CDH16: variants seen among roughly 807,000 people sequenced by gnomAD.
The protein encoded by CDH16 is cadherin 16.
Under a neutral mutation model 87.6 loss-of-function variants are expected in CDH16, and 79 were observed. That is an observed-to-expected ratio of 0.90 (90% CI 0.75 to 1.09). CDH16 has a LOEUF of 1.09. Among genes scored for constraint, CDH16 ranks in the 50% least tolerant of loss-of-function variants. The probability of loss-of-function intolerance (pLI) is 0.00; values close to 1 mark genes in which losing one functional copy is unlikely to be tolerated. For synonymous variants in CDH16, 457 were observed against 439.5 expected (o/e 1.04, Z -0.50); for missense variants, 1,124 against 1,071.7 (o/e 1.05, Z -0.68).
chr16:66,917,918 C>A (rs1376793606), intron 2 of CDH16, 103 bp downstream of exon 2: 3 of 1,135,482 alleles, frequency 2.6e-6, no homozygotes, highest in African/African-American at 3.1e-5. Flanking sequence ...CCATGCCTTG[C>A]ACCGTTCTCA....
Position 66,913,496 on chromosome 16 carries a change from C to G in CDH16, c.898G>C (p.Ala300Pro), listed in dbSNP as rs1962528624. The G allele has an allele frequency of 3.1e-6, 5 of 1,614,168 alleles. No homozygotes were observed. Among genetic ancestry groups the G allele is most frequent in the Non-Finnish European group, 4.2e-6 (5 of 1,180,008 alleles). Residue 300 changes from alanine to proline, a missense_variant, in exon 8 of 18, where the codon GCT becomes CCT. Physicochemically the swap from Ala to Pro is conservative, Grantham distance 27. Transcript: ENST00000299752. ...VTRELDREAQ[A>P]EYLLQVRAQN... The stretch of plus-strand genomic sequence containing the variant: ...TGGCTCCCCCTTCATATCACCTCAG[C>G]CTGGGCTTCTCTGTCCAGCTCTCTG...
At chr16:66,917,777 C>A in intron 2 of CDH16, 52 bp from the exon 3 acceptor site, 1 of 1,476,922 alleles carries the variant, frequency 6.8e-7, no homozygotes, top group African/African-American at 1.4e-5. Flanking sequence ...TGCGTGGGCA[C>A]TGAGACCCAA....
At chr16:66,915,143 C>T in intron 6 of CDH16, 77 bp downstream of exon 6, 1 of 1,398,792 alleles carries the variant, frequency 7.1e-7, no homozygotes, top group Non-Finnish European at 9.7e-7. Context: ...CCCACCCATG[C>T]TTGTCTTATG....
In CDH16 at chr16:66,912,108, C is replaced by A. The variant is rs1277996306; in HGVS notation, c.1581G>T (p.Glu527Asp). Residue 527 changes from glutamate to aspartate, a missense_variant, in exon 13 of 18, where the codon GAG becomes GAT. Transcript: ENST00000299752. The stretch of plus-strand genomic sequence containing the variant: ...CCACACTCTGCACCACCACCACCAC[C>A]TCATGACTTGGAGCTGCCTCATAAC... ...NLSYEAAPSH[E>D]VVVVVQSVAK... The A allele has an allele frequency of 3.7e-6, 6 of 1,613,900 alleles. No homozygotes were observed. Among genetic ancestry groups the A allele is most frequent in the Non-Finnish European group, 5.1e-6 (6 of 1,179,894 alleles).
rs1456056887 is a variant in CDH16, at chr16:66,911,198, C to T, written c.1908G>A (p.Val636=). ...TGGCCATACCTGTATCCTGGGCCTC[C>T]ACAAGCACCGTGTAGGTGTCCCCAG... ...AQPGDTYTVL[V]EAQDTDEPRL... is the part of the protein sequence containing the mutation. Residue 636 remains valine (V), a synonymous_variant, in exon 14 of 18, where the codon GTG becomes GTA. Transcript: ENST00000299752. 1 of 1,612,944 alleles carries T rather than the reference C, an allele frequency of 6.2e-7. No individual in the cohort carries two copies. Among genetic ancestry groups the T allele is most frequent in the African/African-American group, 1.3e-5 (1 of 74,854 alleles).
At position 66,916,581 on chromosome 16, in the gene CDH16, T is replaced by C; in HGVS notation, c.130-152A>G. 1.2e-6 allele frequency: 1 copy of C among 853,384 alleles called. No homozygotes were observed. Among genetic ancestry groups the C allele is most frequent in the Non-Finnish European group, 1.7e-6 (1 of 575,682 alleles). The allele number at this position is 853,384 out of a possible 1,614,324, so 52.9% of individuals were successfully genotyped here. On this transcript the variant is annotated intron_variant, in intron 3 of 17. Transcript: ENST00000299752. This position sits in a 1 kb window ranked among gnomAD's most constrained non-coding sequence, Gnocchi z 4.1. Reference sequence around the variant, plus strand: ...TCACACAGCCAGTAAGCATCAGGACTGAGACTCAGAGCCAGAACTCTTTTC... The same window carrying C: ...TCACACAGCCAGTAAGCATCAGGACCGAGACTCAGAGCCAGAACTCTTTTC...
chr16:66,910,996 A>T (rs1962388291), intron 14 of CDH16, 186 bp downstream of exon 14: 1 of 564,590 alleles, frequency 1.8e-6, no homozygotes, highest in Non-Finnish European at 3.1e-6. Flanking sequence ...GGCAGATGCC[A>T]GACTTGCCCA....
In CDH16 at chr16:66,911,928, C is replaced by T. The variant is rs915046674; in HGVS notation, c.1761G>A (p.Gln587=). 6.2e-7 allele frequency: 1 copy of T among 1,610,376 alleles called. No homozygotes were observed. Among genetic ancestry groups the T allele is most frequent in the Non-Finnish European group, 8.5e-7 (1 of 1,177,344 alleles). The part of the protein sequence containing the change: ...APAGSFLLTI[Q]PSDPISRTLR... Reference sequence around the variant, plus strand: ...GGGTTCGGCTGATGGGGTCGGAGGGCTGGATGGTCAGCAGGAAAGAGCCGG... The same window carrying T: ...GGGTTCGGCTGATGGGGTCGGAGGGTTGGATGGTCAGCAGGAAAGAGCCGG... Residue 587 remains glutamine (Q), a synonymous_variant, in exon 13 of 18, where the codon CAG becomes CAA. Transcript: ENST00000299752.
rs1962438221 is a variant in CDH16, at chr16:66,911,975, T to A, written c.1714A>T (p.Ser572Cys). The A allele has an allele frequency of 6.2e-7, 1 of 1,614,006 alleles. No individual in the cohort carries two copies. Among genetic ancestry groups the A allele is most frequent in the Admixed American group, 1.7e-5 (1 of 60,002 alleles). The part of the protein sequence containing the change: ...PKLDQESYEA[S>C]VPISAPAGSF... ...CCGGCTGGGGCACTGATGGGGACACTGGCCTCGTAGCTCTCCTGGTCCAAC... is the reference window on the plus strand; with the variant it reads ...CCGGCTGGGGCACTGATGGGGACACAGGCCTCGTAGCTCTCCTGGTCCAAC... Residue 572 changes from serine (S) to cysteine (C), a missense_variant, in exon 13 of 18, where the codon AGT becomes TGT. Coordinates refer to ENST00000299752, the MANE Select transcript of CDH16 (RefSeq NM_004062.4).
In CDH16 at chr16:66,910,389, G is replaced by T; in HGVS notation, c.2038C>A (p.Gln680Lys). Residue 680 changes from glutamine (Q) to lysine (K), a missense_variant, in exon 15 of 18, where the codon CAA becomes AAA. By Grantham distance (53) the Gln-to-Lys change is moderately conservative. Coordinates refer to ENST00000299752, the MANE Select transcript of CDH16 (RefSeq NM_004062.4). Reference protein sequence around the residue: ...VPSQYLCTPRQDHGLIVSGPS... With the variant: ...VPSQYLCTPRKDHGLIVSGPS... ...CCACTCACGATCAAGCCATGGTCTTGGCGGGGTGTGCAGAGGTATTGGGAG... is the reference window on the plus strand; with the variant it reads ...CCACTCACGATCAAGCCATGGTCTTTGCGGGGTGTGCAGAGGTATTGGGAG... The T allele has an allele frequency of 6.2e-7, 1 of 1,613,516 alleles. No individual in the cohort carries two copies. Among genetic ancestry groups the T allele is most frequent in the Non-Finnish European group, 8.5e-7 (1 of 1,179,724 alleles).
At position 66,909,182 on chromosome 16, in the gene CDH16, A is replaced by G. The variant is rs1466486328; in HGVS notation, c.2392+85T>C. ...TTCCTTTTTCAGAGCTAGGGGCACC[A>G]TGGGGACAAAGGTGTTTATTTGGAG... On this transcript the variant is annotated intron_variant, in intron 17 of 17. Coordinates refer to ENST00000299752, the MANE Select transcript of CDH16 (RefSeq NM_004062.4). The surrounding 1 kb of genome is among the most constrained non-coding windows in gnomAD (Gnocchi z 4.1). 5 of 861,406 alleles carry G rather than the reference A, an allele frequency of 5.8e-6. No homozygotes were observed. 53.4% of individuals were successfully genotyped at this position (861,406 alleles called of 1,614,324 possible).
chr16:66,915,272 T>C lies in CDH16; in HGVS notation c.531A>G (p.Pro177=). 1.9e-6 allele frequency: 3 copies of C among 1,613,848 alleles called. No homozygotes were observed. The highest frequency in any genetic ancestry group is 2.5e-6 in the Non-Finnish European group (3 of 1,179,998). ...ILSQAPAQPS[P]DMFQLEPRLG... ...GCCGAGGCTCCAGCTGGAACATGTC[T>C]GGGGAAGGCTGGGCTGGAGCCTGGC... The change falls in exon 6 of 18, where the codon CCA becomes CCG. Residue 177 remains proline, a synonymous_variant. Coordinates refer to ENST00000299752, the MANE Select transcript of CDH16 (RefSeq NM_004062.4).
At position 66,908,420 on chromosome 16, in the gene CDH16, T is replaced by C. The variant is rs1238467836; in HGVS notation, c.2462A>G (p.Asp821Gly). Residue 821 changes from aspartate (D) to glycine (G), a missense_variant, in exon 18 of 18, where the codon GAC (aspartate) becomes GGC (glycine). Asp to Gly is a moderately conservative substitution (Grantham distance 94, BLOSUM62 -1). Coordinates refer to ENST00000299752, the MANE Select transcript of CDH16 (RefSeq NM_004062.4). ...GACAGTCGCCTTCAGGGGCACGCTGTCTGCTGGTTGATCCGGGTCCTTCTT... is the reference window on the plus strand; with the variant it reads ...GACAGTCGCCTTCAGGGGCACGCTGCCTGCTGGTTGATCCGGGTCCTTCTT... ...SRKKDPDQPA[D>G]SVPLKATV is the part of the protein sequence containing the mutation. The C allele has an allele frequency of 6.2e-7, 1 of 1,613,954 alleles. No individual in the cohort carries two copies. Among genetic ancestry groups the C allele is most frequent in the African/African-American group, 1.3e-5 (1 of 74,938 alleles).
In CDH16 at chr16:66,909,968, A is replaced by T. The variant is rs1239635018; in HGVS notation, c.2275+18T>A. 6.4e-7 allele frequency: 1 copy of T among 1,569,248 alleles called. No individual in the cohort carries two copies. The highest frequency in any genetic ancestry group is 8.7e-7 in the Non-Finnish European group (1 of 1,151,980). ...GGTTCCCTCAGGAACTGCAGGCTGC[A>T]CCCAAGCCCAATCTCACCTCGAACC... On this transcript the variant is annotated intron_variant, in intron 16 of 17. Coordinates refer to ENST00000299752, the MANE Select transcript of CDH16 (RefSeq NM_004062.4). The surrounding 1 kb of genome is among the most constrained non-coding windows in gnomAD (Gnocchi z 4.1).
chr16:66,910,535 G>A, intron 14 of CDH16, 33 bp from the exon 15 acceptor site: 2 of 1,466,030 alleles, frequency 1.4e-6, no homozygotes, highest in African/African-American at 1.4e-5. Flanking sequence ...CTGGCCAGGT[G>A]TTGCCAGGGG....
Position 66,914,547 on chromosome 16 carries a change from G to C in CDH16, c.584-135C>G, listed in dbSNP as rs897145821. On this transcript the variant is annotated intron_variant, in intron 6 of 17. Transcript: ENST00000299752. The stretch of plus-strand genomic sequence containing the variant: ...ACACTCTCTTGGCCAAGGGAAGAGA[G>C]GAACTTTAAGCACTGTTGTGAGCCT... 8 of 651,914 alleles carry C rather than the reference G, an allele frequency of 1.2e-5. No individual in the cohort carries two copies. The African/African-American group carries it at 1.3e-4, about 10-fold the overall frequency. 40.4% of individuals were successfully genotyped at this position (651,914 alleles called of 1,614,324 possible).
Position 66,916,793 on chromosome 16 carries a change from CTT to C in CDH16, c.130-366_130-365del, listed in dbSNP as rs1962702210. ...AATCTGAAATACTCAAAATCTGAAA[CTT>C]TTTGAGCGCCAATATGATGTGACAA... is the stretch of plus-strand genomic sequence containing the variant. On this transcript the variant is annotated intron_variant, in intron 3 of 17. Coordinates refer to ENST00000299752, the MANE Select transcript of CDH16 (RefSeq NM_004062.4). This position sits in a 1 kb window ranked among gnomAD's most constrained non-coding sequence, Gnocchi z 4.1. Among the ~76,000 whole-genome samples the C allele has an allele frequency of 1.3e-5, 2 of 152,166 alleles. No homozygotes were observed.
rs371394038 is a variant in CDH16, at chr16:66,917,762, C to T, written c.46-37G>A. 13 of 1,546,914 alleles carry T rather than the reference C, an allele frequency of 8.4e-6. No homozygotes were observed. In the East Asian group the frequency reaches 2.3e-4, roughly 27 times the overall value. On this transcript the variant is annotated intron_variant, in intron 2 of 17. Transcript: ENST00000299752. ...TTCTCACCTTGTCACCAGGCTCTATCTTCCTGCGTGGGCACTGAGACCCAA... is the reference window on the plus strand; with the variant it reads ...TTCTCACCTTGTCACCAGGCTCTATTTTCCTGCGTGGGCACTGAGACCCAA...
At chr16:66,914,104 G>A in intron 7 of CDH16, 112 bp downstream of exon 7, 1 of 882,732 alleles carries the variant, frequency 1.1e-6, no homozygotes, top group South Asian at 1.6e-5. Flanking sequence ...AAGAGTGGAG[G>A]GAGGAGCACG....
Sources: gnomAD v4.1 joint callset for allele counts (sites outside exome capture counted in the v4.1 genomes callset) on GRCh38, gnomAD v4.1.1 for gene constraint, Gnocchi (gnomAD v3.1) non-coding constraint, MANE v1.5 for transcripts, NCBI Gene and HGNC (gene_info 2026-07-23, HGNC 2026-07-21) for gene names.